SAMD5: variants seen among roughly 807,000 people sequenced by gnomAD.
The protein encoded by SAMD5 is sterile alpha motif domain containing 5.
SAMD5 carries 13 observed loss-of-function variants against 11.3 expected under a neutral mutation model. The ratio of observed to expected loss-of-function variants is 1.15; its 90% CI spans 0.75 to 1.83. SAMD5 has a LOEUF of 1.83. SAMD5 is among the 40% of genes most tolerant of loss of function. The probability of loss-of-function intolerance (pLI) is 0.00; values close to 1 mark genes in which losing one functional copy is unlikely to be tolerated. For synonymous variants in SAMD5, 129 were observed against 111.3 expected (o/e 1.16, Z -1.00); for missense variants, 255 against 239.1 (o/e 1.07, Z -0.44).
chr6:147,936,098 G>A, the SAMD5 span, among the ~76,000 whole-genome samples: 751 of 152,234 alleles, frequency 4.9e-3, 2 homozygotes, highest in African/African-American at 0.017. Context: ...TCACAGTCAC[G>A]AGTAGTTTCT....
chr6:147,825,245 C>G, the SAMD5 span, among the ~76,000 whole-genome samples: 8 of 152,098 alleles, frequency 5.3e-5, no homozygotes, highest in Non-Finnish European at 1.2e-4. Flanking sequence ...TGCAGTGAGC[C>G]GAGATTGCAC....
chr6:147,789,111 AC>A, the SAMD5 span, among the ~76,000 whole-genome samples: 191 of 147,244 alleles, frequency 1.3e-3, no homozygotes, highest in African/African-American at 4.6e-3. Flanking sequence ...AAAAAAAAAA[AC>A]ACCACCATCC....
intron 1 of SAMD5, among the ~76,000 whole-genome samples, chr6:147,705,634 C>T (rs146595944): frequency 0.013 from 1,931 of 152,234 alleles, 21 homozygotes; most frequent in Middle Eastern, 0.034. Context: ...TGCCAAGGTG[C>T]ATTGTGTATT....
chr6:147,654,769 A>G (rs1309772926), intron 1 of SAMD5, among the ~76,000 whole-genome samples: 1 of 109,934 alleles, frequency 9.1e-6, no homozygotes, highest in Non-Finnish European at 1.9e-5. Context: ...TGGTTTGACT[A>G]TCTTTTTCTC....
chr6:147,792,629 T>C, the SAMD5 span, among the ~76,000 whole-genome samples: 1 of 152,118 alleles, frequency 6.6e-6, no homozygotes, highest in Non-Finnish European at 1.5e-5. Flanking sequence ...TTTCATCCTC[T>C]AATAAAAGGA....
the SAMD5 span, among the ~76,000 whole-genome samples, chr6:147,929,809 A>G: frequency 1.3e-5 from 2 of 152,240 alleles, no homozygotes; most frequent in African/African-American, 4.8e-5. Context: ...TGATACACAC[A>G]GTACTTAAAT....
At chr6:147,850,308 T>C in the SAMD5 span, among the ~76,000 whole-genome samples, 1 of 152,132 alleles carries the variant, frequency 6.6e-6, no homozygotes, top group Non-Finnish European at 1.5e-5. Context: ...AACACTATGA[T>C]AAAGTTAGAA....
the SAMD5 span, among the ~76,000 whole-genome samples, chr6:147,747,575 A>G: frequency 7.9e-5 from 12 of 152,086 alleles, no homozygotes; most frequent in Non-Finnish European, 1.8e-4. Flanking sequence ...CAGTGGCACA[A>G]TCTCAGTTCA....
the SAMD5 span, among the ~76,000 whole-genome samples, chr6:147,777,017 G>A: frequency 6.6e-6 from 1 of 152,112 alleles, no homozygotes. Flanking sequence ...TCCCCAACTT[G>A]ATTGATTAGT....
chr6:147,561,349 A>G (rs1281896636), intron 1 of SAMD5, among the ~76,000 whole-genome samples: 2 of 152,006 alleles, frequency 1.3e-5, no homozygotes, highest in African/African-American at 4.8e-5. Context: ...CACCACGCCC[A>G]GCTAATTTTT....
the SAMD5 span, among the ~76,000 whole-genome samples, chr6:147,871,675 A>G: frequency 6.6e-6 from 1 of 152,218 alleles, no homozygotes; most frequent in South Asian, 2.1e-4. Flanking sequence ...CTCTAGTGCT[A>G]TCTAGAACCT....
the SAMD5 span, among the ~76,000 whole-genome samples, chr6:147,862,935 T>A: frequency 6.6e-6 from 1 of 152,166 alleles, no homozygotes; most frequent in Non-Finnish European, 1.5e-5. Flanking sequence ...TTGTACTGAA[T>A]GTGTTTGACT....
At chr6:147,951,236 C>A in the SAMD5 span, among the ~76,000 whole-genome samples, 4 of 150,882 alleles carry the variant, frequency 2.7e-5, no homozygotes, top group Non-Finnish European at 5.9e-5. Flanking sequence ...GGCTGGAGTG[C>A]AGTGGCGCGA....
At chr6:147,553,624 C>CATA (rs1384538965) in intron 1 of SAMD5, among the ~76,000 whole-genome samples, 1 of 152,166 alleles carries the variant, frequency 6.6e-6, no homozygotes, top group Non-Finnish European at 1.5e-5. Context: ...ATTGTCACTG[C>CATA]ATAACACCCA....
chr6:147,947,625 T>A, the SAMD5 span: 27 of 152,284 alleles, frequency 1.8e-4, no homozygotes, highest in East Asian at 4.6e-3. Flanking sequence ...ACTTTGGAAA[T>A]GATATACACT....
At chr6:147,537,184 C>T (rs1302233808) in intron 1 of SAMD5, among the ~76,000 whole-genome samples, 4 of 152,138 alleles carry the variant, frequency 2.6e-5, no homozygotes, top group Non-Finnish European at 5.9e-5. Flanking sequence ...AACACATTTA[C>T]ACAAGTATAG....
At chr6:147,848,326 T>C in the SAMD5 span, among the ~76,000 whole-genome samples, 1 of 152,200 alleles carries the variant, frequency 6.6e-6, no homozygotes. Flanking sequence ...AACTCTGTGA[T>C]AATTCAGAGC....
rs189274561 is a variant in SAMD5, at chr6:147,729,902, T to A, written c.163-7415T>A. 1.5e-3 allele frequency: 651 copies of A among 446,488 alleles called. 3 individuals are homozygous for A. The highest frequency in any genetic ancestry group is 0.012 in the African/African-American group (601 of 49,618). The allele number at this position is 446,488 out of a possible 1,614,324, so 27.7% of individuals were successfully genotyped here. A position where few individuals can be genotyped will look rare whatever the true frequency, so the allele number is the denominator to read the frequency against. On this transcript the variant is annotated intron_variant, in intron 1 of 1. Coordinates refer to the SAMD5 transcript ENST00000566741. ...GAGTTCAAGACCCACCTGGCCAACA[T>A]GGTGAAACCCTGTCTCTACTAAAAA...
At chr6:147,836,072 G>A in the SAMD5 span, among the ~76,000 whole-genome samples, 5 of 152,158 alleles carry the variant, frequency 3.3e-5, no homozygotes, top group African/African-American at 1.2e-4. Context: ...TATTTCCCTA[G>A]TTAGAGCCTA....
Sources: allele counts gnomAD v4.1 joint callset (sites outside exome capture counted in the v4.1 genomes callset), GRCh38; gene constraint gnomAD v4.1.1; transcripts MANE v1.5; gene names NCBI Gene and HGNC (gene_info 2026-07-23, HGNC 2026-07-21).